CNTLN: variants seen among roughly 807,000 people sequenced by gnomAD.
The protein encoded by CNTLN is centlein, centrosomal protein.
Under a neutral mutation model 180.0 loss-of-function variants are expected in CNTLN, and 212 were observed. The observed-to-expected ratio is 1.18, with a 90% CI of 1.05 to 1.32. The LOEUF (loss-of-function observed/expected upper bound fraction) is 1.32, where lower values mean the gene tolerates loss of function less well. Among genes scored for constraint, CNTLN ranks in the 40% most tolerant of loss-of-function variants. The pLI, the probability that CNTLN is intolerant of heterozygous loss-of-function variation, is 0.00. For missense variants in CNTLN, 2,095 were observed against 1,610.9 expected (o/e 1.30, Z -5.14); for synonymous variants, 722 against 563.1 (o/e 1.28, Z -3.99).
chr9:17,268,417 C>G (rs1327062276), intron 5 of CNTLN, among the ~76,000 whole-genome samples: 4 of 152,162 alleles, frequency 2.6e-5, no homozygotes, highest in Admixed American at 6.5e-5. Context: ...AGAGGAGTAC[C>G]TGGCCATGTG....
At chr9:17,411,632 C>T (rs994368388) in intron 16 of CNTLN, among the ~76,000 whole-genome samples, 1 of 152,140 alleles carries the variant, frequency 6.6e-6, no homozygotes, top group East Asian at 1.9e-4. Flanking sequence ...CTCTGCCTCC[C>T]GTTAGACCAG....
chr9:17,458,177 T>C (rs1286430214), intron 19 of CNTLN, among the ~76,000 whole-genome samples: 1 of 149,232 alleles, frequency 6.7e-6, no homozygotes, highest in African/African-American at 2.5e-5. Flanking sequence ...AACAACCAAC[T>C]TAAAATAGTA....
intron 13 of CNTLN, among the ~76,000 whole-genome samples, chr9:17,376,961 A>C (rs1394318185): frequency 6.6e-6 from 1 of 152,214 alleles, no homozygotes; most frequent in Non-Finnish European, 1.5e-5. Flanking sequence ...GATTAAAAAC[A>C]ATTACAAAAA....
chr9:17,219,866 G>T (rs1224596553), intron 2 of CNTLN, among the ~76,000 whole-genome samples: 1 of 151,914 alleles, frequency 6.6e-6, no homozygotes, highest in African/African-American at 2.4e-5. Flanking sequence ...CCTTTTTGTT[G>T]TATCCTCATA....
intron 2 of CNTLN, among the ~76,000 whole-genome samples, chr9:17,216,394 C>T (rs1386493111): frequency 6.6e-6 from 1 of 152,056 alleles, no homozygotes; most frequent in African/African-American, 2.4e-5. Context: ...TCTTTTCCTC[C>T]TCCTGTTTGG....
chr9:17,165,013 T>G (rs149550847), intron 2 of CNTLN, among the ~76,000 whole-genome samples: 7,067 of 151,536 alleles, frequency 0.047, 214 homozygotes, highest in East Asian at 0.17. Flanking sequence ...TTTTTTTTTG[T>G]ATTTTTAGTA....
Position 17,135,441 on chromosome 9 carries a change from G to T in CNTLN, c.360+16G>T, listed in dbSNP as rs563133709. 23 of 1,582,894 alleles carry T rather than the reference G, an allele frequency of 1.5e-5. No homozygotes were observed. The South Asian group carries it at 1.9e-4, about 13-fold the overall frequency. On this transcript the variant is annotated intron_variant, in intron 1 of 25. Transcript: ENST00000380647. Reference sequence around the variant, plus strand: ...CCTGTGTCAGGTATCGAGGAGTCTCGCAGTCCCCCTTTCCCCACCACAGCG... The same window carrying T: ...CCTGTGTCAGGTATCGAGGAGTCTCTCAGTCCCCCTTTCCCCACCACAGCG...
chr9:17,294,055 G>C (rs1419311275), intron 6 of CNTLN, among the ~76,000 whole-genome samples: 2 of 152,138 alleles, frequency 1.3e-5, no homozygotes, highest in Non-Finnish European at 2.9e-5. Context: ...TGTTCCTTCT[G>C]ATGTTCAGAT....
intron 2 of CNTLN, among the ~76,000 whole-genome samples, chr9:17,149,296 A>G (rs529193233): frequency 6.6e-6 from 1 of 152,142 alleles, no homozygotes; most frequent in Admixed American, 6.5e-5. Flanking sequence ...ATGAGTCTTT[A>G]TTGTAGAATG....
rs367960018 is a variant in CNTLN, at chr9:17,394,873, T to C, written c.2419T>C (p.Ser807Pro). ...ACACCAGTCAGCAGACAGAGCTAAATCCGAGATGGCCACCATGAAAGTGAG... is the reference window on the plus strand; with the variant it reads ...ACACCAGTCAGCAGACAGAGCTAAACCCGAGATGGCCACCATGAAAGTGAG... ...KSHQSADRAK[S>P]EMATMKVRSG... is the part of the protein sequence containing the mutation. Residue 807 changes from serine to proline, a missense_variant, in exon 15 of 26, where the codon TCC becomes CCC. Ser to Pro is a moderately conservative substitution (Grantham distance 74, BLOSUM62 -1). Transcript: ENST00000380647. 54 of 1,613,992 alleles carry C rather than the reference T, an allele frequency of 3.3e-5. No homozygotes were observed. Among genetic ancestry groups the C allele is most frequent in the Non-Finnish European group, 4.4e-5 (52 of 1,179,950 alleles).
chr9:17,363,771 G>T (rs1334777290), intron 12 of CNTLN, among the ~76,000 whole-genome samples: 2 of 151,876 alleles, frequency 1.3e-5, no homozygotes, highest in South Asian at 2.1e-4. Context: ...GATAATAAAT[G>T]TTTATTTAAT....
chr9:17,370,276 CAAGGATA>C (rs1824202280), intron 13 of CNTLN, among the ~76,000 whole-genome samples: 1 of 152,022 alleles, frequency 6.6e-6, no homozygotes, highest in African/African-American at 2.4e-5. Context: ...TCCCAAGGGT[CAAGGATA>C]AAGAAAGGAC....
intron 6 of CNTLN, among the ~76,000 whole-genome samples, chr9:17,287,402 G>A (rs1347453295): frequency 1.3e-4 from 19 of 150,548 alleles, no homozygotes; most frequent in African/African-American, 3.7e-4. Flanking sequence ...TGCTGGATTC[G>A]TTTTGCCAGT....
intron 6 of CNTLN, 68 bp downstream of exon 6, chr9:17,273,934 A>T: frequency 8.5e-7 from 1 of 1,170,110 alleles, no homozygotes; most frequent in South Asian, 1.5e-5. Flanking sequence ...GATACCATTT[A>T]TACTTATTAC....
chr9:17,247,051 G>A (rs1825838088), intron 5 of CNTLN, among the ~76,000 whole-genome samples: 1 of 152,150 alleles, frequency 6.6e-6, no homozygotes, highest in Non-Finnish European at 1.5e-5. Flanking sequence ...TTTAGCAGAA[G>A]GTACGAGTCT....
In CNTLN at chr9:17,463,019, G is replaced by A; in HGVS notation, c.3404+6G>A. 1 of 1,542,202 alleles carries A rather than the reference G, an allele frequency of 6.5e-7. No individual in the cohort carries two copies. Among genetic ancestry groups the A allele is most frequent in the East Asian group, 2.4e-5 (1 of 42,246 alleles). Reference sequence around the variant, plus strand: ...ATAAAGGAAATGCATGAAAAGTATGGTTTTTGTATTTCTATCCATTGTATT... The same window carrying A: ...ATAAAGGAAATGCATGAAAAGTATGATTTTTGTATTTCTATCCATTGTATT... On this transcript the variant is annotated splice_donor_region_variant and intron_variant, in intron 20 of 25. Transcript: ENST00000380647.
intron 2 of CNTLN, among the ~76,000 whole-genome samples, chr9:17,203,807 T>G (rs1822725937): frequency 6.6e-6 from 1 of 152,202 alleles, no homozygotes; most frequent in African/African-American, 2.4e-5. Flanking sequence ...TCCACCCGCC[T>G]CGGCCTCCCG....
intron 7 of CNTLN, chr9:17,301,304 T>C (rs1818330110): frequency 1.0e-6 from 1 of 985,270 alleles, no homozygotes; most frequent in African/African-American, 1.7e-5. Flanking sequence ...CCGTAAACAC[T>C]TTTCTTCTAG....
intron 8 of CNTLN, among the ~76,000 whole-genome samples, chr9:17,319,303 AC>A (rs2133022291): frequency 6.6e-6 from 1 of 152,278 alleles, no homozygotes; most frequent in South Asian, 2.1e-4. Flanking sequence ...CTAATTCAGT[AC>A]GTCTGGGCTG....
Sources: allele counts gnomAD v4.1 joint callset (sites outside exome capture counted in the v4.1 genomes callset), GRCh38; gene constraint gnomAD v4.1.1; transcripts MANE v1.5; gene names NCBI Gene and HGNC (gene_info 2026-07-23, HGNC 2026-07-21).